FBXL18: variants seen among roughly 807,000 people sequenced by gnomAD.
FBXL18 encodes F-box and leucine rich repeat protein 18.
FBXL18 carries 36 observed loss-of-function variants against 46.0 expected under a neutral mutation model. That is an observed-to-expected ratio of 0.78 (90% CI 0.60 to 1.03). The LOEUF (loss-of-function observed/expected upper bound fraction) is 1.03, where lower values mean the gene tolerates loss of function less well. Among genes scored for constraint, FBXL18 ranks in the 50% least tolerant of loss-of-function variants. FBXL18 has a pLI of 0.00. For missense variants in FBXL18, 977 were observed against 1,004.1 expected (o/e 0.97, Z 0.36); for synonymous variants, 557 against 465.3 (o/e 1.20, Z -2.54).
chr7:5,491,421 C>A lies in FBXL18; in HGVS notation c.1810G>T (p.Ala604Ser), dbSNP rs773047635. 1 of 1,598,544 alleles carries A rather than the reference C, an allele frequency of 6.3e-7. No homozygotes were observed. The highest frequency in any genetic ancestry group is 8.5e-7 in the Non-Finnish European group (1 of 1,174,202). ...RLEQPYFSAN[A>S]QFFQALSQCP... is the part of the protein sequence containing the mutation. ...TGGCTCAGCGCCTGGAAGAACTGGG[C>A]GTTGGCGCTGAAGTAGGGCTGCTCC... Residue 604 changes from alanine to serine, a missense_variant, in exon 4 of 5, where the codon GCC (alanine) becomes TCC (serine). Ala to Ser is a moderately conservative substitution (Grantham distance 99). Transcript: ENST00000382368.
downstream of FBXL18, among the ~76,000 whole-genome samples, chr7:5,470,885 G>T (rs1783417823): frequency 6.6e-6 from 1 of 152,168 alleles, no homozygotes; most frequent in South Asian, 2.1e-4. Flanking sequence ...AGGCTGGCCG[G>T]GTTCCCAGGC....
Position 5,500,564 on chromosome 7 carries a change from C to T in FBXL18, c.1705G>A (p.Gly569Ser). 6.2e-7 allele frequency: 1 copy of T among 1,613,588 alleles called. No individual in the cohort carries two copies. Among genetic ancestry groups the T allele is most frequent in the Non-Finnish European group, 8.5e-7 (1 of 1,179,886 alleles). The change falls in exon 3 of 5, where the codon GGC (glycine) becomes AGC (serine). Residue 569 changes from glycine to serine, a missense_variant. Gly to Ser is a moderately conservative substitution (Grantham distance 56, BLOSUM62 0). Transcript: ENST00000382368. ...QLRSLSLANL[G>S]MMGKVVYMPA... is the part of the protein sequence containing the mutation. ...ATGTACACCACCTTCCCCATCATGCCCAGGTTGGCCAGCGACAGGGACCGC... is the reference window on the plus strand; with the variant it reads ...ATGTACACCACCTTCCCCATCATGCTCAGGTTGGCCAGCGACAGGGACCGC...
At chr7:5,467,876 T>C (rs1783365802) in intron 4 of FBXL18, among the ~76,000 whole-genome samples, 2 of 152,108 alleles carry the variant, frequency 1.3e-5, no homozygotes, top group African/African-American at 4.8e-5. Flanking sequence ...AGAAAGAGCT[T>C]GTGACAGCAA....
intron 4 of FBXL18, among the ~76,000 whole-genome samples, chr7:5,469,098 A>G (rs1416899751): frequency 6.6e-6 from 1 of 151,786 alleles, no homozygotes; most frequent in East Asian, 2.0e-4. Context: ...CTGAGTGACT[A>G]TGTATGAAGA....
intron 4 of FBXL18, among the ~76,000 whole-genome samples, chr7:5,456,952 T>C (rs893390170): frequency 6.6e-6 from 1 of 152,122 alleles, no homozygotes; most frequent in East Asian, 1.9e-4. Context: ...TTAGTAGAGA[T>C]TGAAATTCAC....
chr7:5,501,169 TC>T lies in FBXL18; in HGVS notation c.1099del (p.Glu367ArgfsTer22). Reference sequence around the variant, plus strand: ...CAGGATGCTGCTGTCGATGTCGTCCTCCGCCTTGCGGAGCAGCGAGTCTGGG... The same window carrying T: ...CAGGATGCTGCTGTCGATGTCGTCCTCGCCTTGCGGAGCAGCGAGTCTGGG... The part of the protein sequence containing the change: ...LSPDSLLRKA[E>X]DDIDSSILET... On this transcript the variant is annotated frameshift_variant, in exon 3 of 5. Transcript: ENST00000382368. LOFTEE classifies it high-confidence loss of function. 1 of 1,613,262 alleles carries T rather than the reference TC, an allele frequency of 6.2e-7. No individual in the cohort carries two copies. The highest frequency in any genetic ancestry group is 1.1e-5 in the South Asian group (1 of 91,044).
chr7:5,505,482 C>G lies in FBXL18; in HGVS notation c.167G>C (p.Cys56Ser), dbSNP rs749380751. ...TDLILNVRRT[C>S]RKLAALCLDK... ...AAGGCACAGGGCTGCAAGCTTCCGA[C>G]AGGTACGCCGGACGTTCAGAATCAG... The change falls in exon 2 of 5, where the codon TGT becomes TCT. Residue 56 changes from cysteine to serine, a missense_variant. Coordinates refer to ENST00000382368, the MANE Select transcript of FBXL18 (RefSeq NM_024963.6). 1.9e-6 allele frequency: 3 copies of G among 1,614,150 alleles called. No individual in the cohort carries two copies. The highest frequency in any genetic ancestry group is 2.2e-5 in the South Asian group (2 of 91,082).
intron 4 of FBXL18, among the ~76,000 whole-genome samples, chr7:5,490,450 C>T (rs1396927972): frequency 1.3e-5 from 2 of 152,220 alleles, no homozygotes; most frequent in Non-Finnish European, 2.9e-5. Context: ...GAGCATCAAA[C>T]TCCAGGATGC....
chr7:5,490,068 CA>C, intron 4 of FBXL18: 1 of 1,355,812 alleles, frequency 7.4e-7, no homozygotes, highest in Non-Finnish European at 9.8e-7. Context: ...CTGAGACAGC[CA>C]GCGGCCGACC....
chr7:5,511,733 A>C (rs1784539000), intron 1 of FBXL18, among the ~76,000 whole-genome samples: 1 of 150,572 alleles, frequency 6.6e-6, no homozygotes, highest in South Asian at 2.1e-4. Context: ...GCGCCACTGC[A>C]CTCCAACCTG....
At chr7:5,499,073 C>A (rs1784160707) in intron 3 of FBXL18, among the ~76,000 whole-genome samples, 1 of 152,154 alleles carries the variant, frequency 6.6e-6, no homozygotes, top group Non-Finnish European at 1.5e-5. Flanking sequence ...GGAGCTCTCC[C>A]AGGCCTGTTG....
At chr7:5,468,711 C>T (rs1783382778) in intron 4 of FBXL18, among the ~76,000 whole-genome samples, 1 of 152,024 alleles carries the variant, frequency 6.6e-6, no homozygotes, top group Non-Finnish European at 1.5e-5. Context: ...AACGATCCTC[C>T]CACCTCAGCC....
downstream of FBXL18, among the ~76,000 whole-genome samples, chr7:5,472,996 A>AT (rs985559729): frequency 3.3e-5 from 5 of 151,982 alleles, no homozygotes; most frequent in African/African-American, 1.2e-4. Context: ...CGCTGCACAC[A>AT]TTCCCATCCT....
At position 5,491,254 on chromosome 7, in the gene FBXL18, G is replaced by A. The variant is rs369608633; in HGVS notation, c.1977C>T (p.Ser659=). ...ACCTGCGGAGAAGCGACTGCTGCAG[G>A]CTCTTGCAGGTGGCGAGGGACTCCC... is the stretch of plus-strand genomic sequence containing the variant. ...FTGESLATCK[S]LQQSLLRSFQ... The change falls in exon 4 of 5, where the codon AGC becomes AGT. Residue 659 remains serine (S), a synonymous_variant. Coordinates refer to ENST00000382368, the MANE Select transcript of FBXL18 (RefSeq NM_024963.6). 7 of 1,612,726 alleles carry A rather than the reference G, an allele frequency of 4.3e-6. No homozygotes were observed. In the African/African-American group the frequency reaches 9.3e-5, roughly 22 times the overall value.
chr7:5,490,090 C>T (rs539400167), intron 4 of FBXL18: 2 of 1,361,434 alleles, frequency 1.5e-6, no homozygotes, highest in African/African-American at 2.9e-5. Flanking sequence ...GCAAGGACAA[C>T]AGACTACCCC....
chr7:5,493,322 A>G (rs972152054), intron 3 of FBXL18, among the ~76,000 whole-genome samples: 1 of 152,150 alleles, frequency 6.6e-6, no homozygotes, highest in Admixed American at 6.5e-5. Context: ...ATGACAGAGC[A>G]AGACAGTCTC....
At chr7:5,468,811 G>A (rs1357503000) in intron 4 of FBXL18, among the ~76,000 whole-genome samples, 2 of 151,832 alleles carry the variant, frequency 1.3e-5, no homozygotes, top group African/African-American at 4.8e-5. Context: ...ATGTTGCCCA[G>A]GCTGATCTCA....
At position 5,500,711 on chromosome 7, in the gene FBXL18, C is replaced by A; in HGVS notation, c.1558G>T (p.Gly520Trp). ...LPPCSRAQSV[G>W]DSEVAAIGQL... is the part of the protein sequence containing the mutation. ...CCGATGGCGGCCACCTCCGAGTCCC[C>A]GACACTCTGTGCGCGGCTGCAGGGT... Residue 520 changes from glycine (G) to tryptophan (W), a missense_variant, in exon 3 of 5, where the codon GGG becomes TGG. Coordinates refer to ENST00000382368, the MANE Select transcript of FBXL18 (RefSeq NM_024963.6). 1 of 1,611,388 alleles carries A rather than the reference C, an allele frequency of 6.2e-7. No individual in the cohort carries two copies. Among genetic ancestry groups the A allele is most frequent in the South Asian group, 1.1e-5 (1 of 90,912 alleles).
rs531917992 is a variant in FBXL18 at position 5,507,838 on chromosome 7, G to A, written c.19-2208C>T. On this transcript the variant is annotated intron_variant, in intron 1 of 4. Transcript: ENST00000382368. ...AACAGAGCAAGACACTGTCTCAAAAGAAAATTAGCAAGACAGGCTGGGCAC... is the reference window on the plus strand; with the variant it reads ...AACAGAGCAAGACACTGTCTCAAAAAAAAATTAGCAAGACAGGCTGGGCAC... Among the ~76,000 whole-genome samples the A allele has an allele frequency of 7.4e-5, 11 of 148,846 alleles. No individual in the cohort carries two copies. The East Asian group carries it at 2.1e-3, about 28-fold the overall frequency.
Sources: gnomAD v4.1 joint callset for allele counts (sites outside exome capture counted in the v4.1 genomes callset) on GRCh38, gnomAD v4.1.1 for gene constraint, MANE v1.5 for transcripts, NCBI Gene and HGNC (gene_info 2026-07-23, HGNC 2026-07-21) for gene names.